NRXN1: variants seen among roughly 807,000 people sequenced by gnomAD.
The protein encoded by NRXN1 is neurexin-1.
NRXN1 carries 39 observed loss-of-function variants against 150.9 expected under a neutral mutation model. That is an observed-to-expected ratio of 0.26 (90% CI 0.20 to 0.34). The LOEUF is 0.34. NRXN1 is among the 10% of genes least tolerant of loss of function. NRXN1 has a pLI of 1.00. For synonymous variants in NRXN1, 924 were observed against 757.0 expected (o/e 1.22, Z -3.62); for missense variants, 1,815 against 1,949.9 (o/e 0.93, Z 1.30).
At chr2:50,128,988 A>G (rs1005034194) in intron 18 of NRXN1, among the ~76,000 whole-genome samples, 140 of 141,924 alleles carry the variant, frequency 9.9e-4, no homozygotes, top group East Asian at 4.8e-3. Context: ...CATCTCAATA[A>G]ATAAATAAAT....
At chr2:50,407,373 T>C (rs1311112174) in intron 17 of NRXN1, among the ~76,000 whole-genome samples, 1 of 152,194 alleles carries the variant, frequency 6.6e-6, no homozygotes, top group Admixed American at 6.5e-5. Context: ...ATGATACTAT[T>C]ATCCTCTCTG....
At chr2:50,799,138 G>A (rs1707245122) in intron 5 of NRXN1, among the ~76,000 whole-genome samples, 2 of 152,036 alleles carry the variant, frequency 1.3e-5, no homozygotes, top group South Asian at 4.1e-4. Context: ...AATAATATAA[G>A]CTAAATTTCC....
At chr2:50,042,124 T>C (rs1691073467) in intron 21 of NRXN1, among the ~76,000 whole-genome samples, 1 of 152,242 alleles carries the variant, frequency 6.6e-6, no homozygotes, top group Non-Finnish European at 1.5e-5. Flanking sequence ...TTATACTGCA[T>C]AAGAAGGAAG....
intron 18 of NRXN1, among the ~76,000 whole-genome samples, chr2:50,155,867 T>G (rs2058986549): frequency 6.6e-6 from 1 of 151,584 alleles, no homozygotes; most frequent in Admixed American, 6.6e-5. Flanking sequence ...AGTACACACA[T>G]TTCTACTGTT....
chr2:50,041,154 T>G (rs192260623), intron 21 of NRXN1, among the ~76,000 whole-genome samples: 45 of 152,218 alleles, frequency 3.0e-4, no homozygotes, highest in African/African-American at 1.1e-3. Flanking sequence ...TTTATCAAGA[T>G]CTGTCTGTTG....
At chr2:50,865,658 G>GTTTTTTTTTTGTTTTTT (rs1676796475) in intron 5 of NRXN1, among the ~76,000 whole-genome samples, 1 of 41,832 alleles carries the variant, frequency 2.4e-5, no homozygotes, top group Non-Finnish European at 3.9e-5. Flanking sequence ...GCATTTGAAA[G>GTTTTTTTTTTGTTTTTT]TTTTTTTTTT....
chr2:50,744,085 G>C (rs1699743394), intron 5 of NRXN1, among the ~76,000 whole-genome samples: 1 of 152,020 alleles, frequency 6.6e-6, no homozygotes, highest in Non-Finnish European at 1.5e-5. Context: ...CATGTGTTGA[G>C]AACATTTATA....
At chr2:50,211,504 GATA>G (rs1346014798) in intron 18 of NRXN1, among the ~76,000 whole-genome samples, 19 of 151,358 alleles carry the variant, frequency 1.3e-4, no homozygotes, top group East Asian at 3.9e-4. Context: ...CATATTAAAT[GATA>G]ATAAGACAAA....
intron 21 of NRXN1, among the ~76,000 whole-genome samples, chr2:50,036,578 A>G (rs988346959): frequency 2.0e-5 from 3 of 152,154 alleles, no homozygotes; most frequent in African/African-American, 7.2e-5. Context: ...TTTATCATTT[A>G]CTAGGCTAGA....
intron 5 of NRXN1, among the ~76,000 whole-genome samples, chr2:50,910,440 A>C (rs761226209): frequency 1.3e-4 from 19 of 151,982 alleles, no homozygotes; most frequent in Admixed American, 3.9e-4. Context: ...CAAAGAGGCC[A>C]GATAACTTTC....
In NRXN1 at chr2:49,920,293, TTC is replaced by T. The variant is rs1667969786; in HGVS notation, c.*1649_*1650del. 1 of 152,470 alleles carries T rather than the reference TTC, an allele frequency of 6.6e-6. No individual in the cohort carries two copies. Among genetic ancestry groups the T allele is most frequent in the South Asian group, 2.1e-4 (1 of 4,830 alleles). 9.4% of individuals were successfully genotyped at this position (152,470 alleles called of 1,614,324 possible). ...GAATCAAAAATTACTGAAAAATACT[TTC>T]TTAGTCGAGAGAAAGTGTTTACTTT... is the stretch of plus-strand genomic sequence containing the variant. On this transcript the variant is annotated 3_prime_UTR_variant, in exon 23 of 23. Transcript: ENST00000401669.
chr2:50,277,130 A>G (rs1318487607), intron 17 of NRXN1, among the ~76,000 whole-genome samples: 2 of 152,154 alleles, frequency 1.3e-5, no homozygotes, highest in African/African-American at 4.8e-5. Flanking sequence ...TGTATAAATA[A>G]ATGGAGTTTA....
At chr2:50,827,466 A>C (rs1306265752) in intron 5 of NRXN1, among the ~76,000 whole-genome samples, 1 of 152,220 alleles carries the variant, frequency 6.6e-6, no homozygotes, top group Non-Finnish European at 1.5e-5. Flanking sequence ...AAAGCAATAC[A>C]TGTGACCCTC....
In NRXN1 at chr2:50,531,386, G is replaced by C; in HGVS notation, c.2188C>G (p.Gln730Glu). The change falls in exon 11 of 23, where the codon CAG (glutamine) becomes GAG (glutamate). Residue 730 changes from glutamine to glutamate, a missense_variant. By Grantham distance (29) the Gln-to-Glu change is conservative. This residue lies in a region of NRXN1 where 638 missense variants were observed against 652.6 expected (regional missense o/e 0.98). Coordinates refer to ENST00000401669, the MANE Select transcript of NRXN1 (RefSeq NM_001330078.2). The stretch of plus-strand genomic sequence containing the variant: ...TCCGTATGCATGACTACGGGGAGCT[G>C]AATTTTCATAAACATGCTCCCATCA... ...SYDGSMFMKI[Q>E]LPVVMHTEAE... 1.9e-6 allele frequency: 3 copies of C among 1,612,616 alleles called. No homozygotes were observed. The South Asian group carries it at 3.3e-5, about 18-fold the overall frequency.
chr2:50,314,625 T>C (rs946991257), intron 17 of NRXN1, among the ~76,000 whole-genome samples: 35 of 58,818 alleles, frequency 6.0e-4, no homozygotes, highest in Non-Finnish European at 7.9e-4. Context: ...ATGTCATTAT[T>C]TTTTTAATGC....
chr2:49,935,210 C>T (rs1670821323), intron 22 of NRXN1, among the ~76,000 whole-genome samples: 1 of 152,160 alleles, frequency 6.6e-6, no homozygotes, highest in Non-Finnish European at 1.5e-5. Context: ...TTTCATTTTG[C>T]AGATGTAAAA....
intron 10 of NRXN1, among the ~76,000 whole-genome samples, chr2:50,532,009 C>A (rs2093129244): frequency 6.6e-6 from 1 of 152,024 alleles, no homozygotes; most frequent in Non-Finnish European, 1.5e-5. Flanking sequence ...CCATGCCAGG[C>A]TAGCTTATTA....
chr2:50,921,320 G>C (rs1022781777), intron 5 of NRXN1, among the ~76,000 whole-genome samples: 3 of 151,764 alleles, frequency 2.0e-5, no homozygotes, highest in Non-Finnish European at 4.4e-5. Context: ...TTAAAACAAA[G>C]TTAGTATGCA....
chr2:50,041,672 G>A (rs1317041223), intron 21 of NRXN1, among the ~76,000 whole-genome samples: 2 of 152,218 alleles, frequency 1.3e-5, no homozygotes, highest in African/African-American at 4.8e-5. Context: ...AAGACAATAA[G>A]AGATGATTTC....
Sources: gnomAD v4.1 joint callset for allele counts (sites outside exome capture counted in the v4.1 genomes callset) on GRCh38, gnomAD v4.1.1 for gene constraint, gnomAD v4.1.1 regional missense constraint, MANE v1.5 for transcripts, NCBI Gene and HGNC (gene_info 2026-07-23, HGNC 2026-07-21) for gene names.